The following BIRC2 variants were observed in gnomAD, a reference collection of about 807,000 sequenced individuals.
BIRC2 encodes baculoviral IAP repeat containing 2.
A neutral mutation model predicts 60.9 loss-of-function variants in BIRC2; 18 were observed. That is an observed-to-expected ratio of 0.30 (90% confidence interval 0.20 to 0.44). The LOEUF is 0.44. Among genes scored for constraint, BIRC2 ranks in the 20% least tolerant of loss-of-function variants. BIRC2 has a pLI of 1.00. For synonymous variants in BIRC2, 282 were observed against 247.7 expected, an observed-to-expected ratio of 1.14 and a Z score of -1.30; for missense variants, 701 against 728.5, an observed-to-expected ratio of 0.96 and a Z score of 0.43.
At chr11:102,368,681 T>C in intron 6 of BIRC2, 133 bp downstream of exon 6, 1 of 1,239,310 alleles carries the variant, frequency 8.1e-7, no homozygotes, top group Non-Finnish European at 1.1e-6. Context: ...TTCGAAACCA[T>C]CCCTCCTTTT....
At chr11:102,358,131 G>A (rs2135809695) in intron 3 of BIRC2, among the ~76,000 whole-genome samples, 1 of 152,210 alleles carries the variant, frequency 6.6e-6, no homozygotes, top group South Asian at 2.1e-4. Flanking sequence ...TCAGTTTGTT[G>A]AGTCTTGTTT....
Position 102,363,840 on chromosome 11 carries a change from T to G in BIRC2, c.1123+124T>G, listed in dbSNP as rs966391658. On this transcript the variant is annotated intron_variant, in intron 5 of 8. Coordinates refer to ENST00000227758, the MANE Select transcript of BIRC2 (RefSeq NM_001166.5). ...GAGAGGCCGAGGTTGACAGATCACC[T>G]GAGGTCAGGAGTTCGAGACCAGCCT... 6 of 642,938 alleles carry G rather than the reference T, an allele frequency of 9.3e-6. No individual in the cohort carries two copies. In the East Asian group the frequency reaches 1.6e-4, roughly 17 times the overall value. The allele number at this position is 642,938 out of a possible 1,614,324, so 39.8% of individuals were successfully genotyped here. A position where few individuals can be genotyped will look rare whatever the true frequency, so the allele number is the denominator to read the frequency against.
chr11:102,350,273 C>T lies in BIRC2; in HGVS notation c.419C>T (p.Ser140Phe), dbSNP rs1388306581. The change falls in exon 2 of 9, where the codon TCT (serine) becomes TTT (phenylalanine). Residue 140 changes from serine (S) to phenylalanine (F), a missense_variant. Physicochemically the swap from Ser to Phe is radical, Grantham distance 155 (BLOSUM62 -2). Around this residue, in one of 4 missense-constraint regions of BIRC2, gnomAD observed 375 missense variants for 365.9 expected, o/e 1.02. Transcript: ENST00000227758. ...AGAAACAGTTTTGCACATTCATTAT[C>T]TCCCACCTTGGAACATAGTAGCTTG... ...PMRNSFAHSL[S>F]PTLEHSSLFS... 2 of 1,614,246 alleles carry T rather than the reference C, an allele frequency of 1.2e-6. No individual in the cohort carries two copies. Among genetic ancestry groups the T allele is most frequent in the Non-Finnish European group, 1.7e-6 (2 of 1,180,052 alleles).
intron 3 of BIRC2, among the ~76,000 whole-genome samples, chr11:102,362,547 T>A (rs1378599292): frequency 6.6e-6 from 1 of 152,112 alleles, no homozygotes; most frequent in Non-Finnish European, 1.5e-5. Context: ...GAATACTGAG[T>A]TAATAGTATC....
intron 3 of BIRC2, among the ~76,000 whole-genome samples, chr11:102,358,393 T>C (rs1037225826): frequency 6.6e-6 from 1 of 152,176 alleles, no homozygotes; most frequent in Non-Finnish European, 1.5e-5. Flanking sequence ...ATAAGGCAGG[T>C]ATTCCCAAAT....
In BIRC2 at chr11:102,377,547, C is replaced by A; in HGVS notation, c.1418C>A (p.Thr473Lys). 2 of 1,607,282 alleles carry A rather than the reference C, an allele frequency of 1.2e-6. No homozygotes were observed. The highest frequency in any genetic ancestry group is 1.7e-5 in the Admixed American group (1 of 58,340). The change falls in exon 7 of 9, where the codon ACA becomes AAA. Residue 473 changes from threonine (T) to lysine (K), a missense_variant. Thr to Lys is a moderately conservative substitution (Grantham distance 78, BLOSUM62 -1). This residue lies in a region of BIRC2 where 235 missense variants were observed against 208.9 expected (regional missense o/e 1.12). Coordinates refer to ENST00000227758, the MANE Select transcript of BIRC2 (RefSeq NM_001166.5). ...KNRMALFQQL[T>K]CVLPILDNLL... is the part of the protein sequence containing the mutation. ...AGAATGGCTCTCTTTCAACAATTGACATGTGTGCTTCCTATCCTGGATAAT... is the reference window on the plus strand; with the variant it reads ...AGAATGGCTCTCTTTCAACAATTGAAATGTGTGCTTCCTATCCTGGATAAT...
At chr11:102,377,445 A>T in intron 6 of BIRC2, 51 bp from the exon 7 acceptor site, 1 of 1,511,450 alleles carries the variant, frequency 6.6e-7, no homozygotes, top group Non-Finnish European at 8.9e-7. Context: ...ATATGAGTAT[A>T]GTTAAAGGAG....
At chr11:102,377,468 T>C (rs1591545508) in intron 6 of BIRC2, 28 bp from the exon 7 acceptor site, 2 of 1,566,538 alleles carry the variant, frequency 1.3e-6, no homozygotes, top group Non-Finnish European at 8.6e-7. Flanking sequence ...TAAAATCTAA[T>C]GGATTTCTTT....
intron 3 of BIRC2, among the ~76,000 whole-genome samples, chr11:102,355,148 C>G (rs553119600): frequency 6.6e-6 from 1 of 152,040 alleles, no homozygotes; most frequent in Admixed American, 6.5e-5. Context: ...GTTGCCTGTG[C>G]TTTTGGTGTC....
chr11:102,355,703 G>C (rs769696135), intron 3 of BIRC2, among the ~76,000 whole-genome samples: 2 of 152,018 alleles, frequency 1.3e-5, no homozygotes, highest in African/African-American at 4.8e-5. Context: ...AGAATGTTAT[G>C]GGTAGTATGA....
At chr11:102,361,643 C>G (rs532239935) in intron 3 of BIRC2, among the ~76,000 whole-genome samples, 31 of 152,236 alleles carry the variant, frequency 2.0e-4, no homozygotes, top group African/African-American at 7.2e-4. Context: ...TGCAGGAAGT[C>G]TGTGGCTATC....
intron 6 of BIRC2, among the ~76,000 whole-genome samples, chr11:102,373,612 A>G (rs1245126438): frequency 2.0e-5 from 3 of 150,938 alleles, no homozygotes; most frequent in East Asian, 2.0e-4. Flanking sequence ...TTTTTCCTTC[A>G]TTTCAACTTT....
At chr11:102,364,138 A>AC in intron 5 of BIRC2, among the ~76,000 whole-genome samples, 2 of 41,596 alleles carry the variant, frequency 4.8e-5, no homozygotes, top group African/African-American at 2.7e-4. Flanking sequence ...GCTAATAAAT[A>AC]TTATATATAT....
chr11:102,366,348 C>G (rs553263148), intron 5 of BIRC2, among the ~76,000 whole-genome samples: 1 of 151,654 alleles, frequency 6.6e-6, no homozygotes, highest in Non-Finnish European at 1.5e-5. Context: ...CCAAATCTGA[C>G]TACATCTCAC....
intron 6 of BIRC2, among the ~76,000 whole-genome samples, chr11:102,369,227 A>G (rs1214017702): frequency 1.3e-5 from 2 of 149,994 alleles, no homozygotes; most frequent in Admixed American, 1.3e-4. Context: ...GGTTAGTTAC[A>G]TATGTATACA....
At chr11:102,361,854 T>TCC (rs1555047959) in intron 3 of BIRC2, among the ~76,000 whole-genome samples, 1 of 151,028 alleles carries the variant, frequency 6.6e-6, no homozygotes. Context: ...TTTTTTTTTT[T>TCC]CCCTTTATTG....
Position 102,368,347 on chromosome 11 carries a change from G to A in BIRC2, c.1165G>A (p.Val389Ile), listed in dbSNP as rs900159895. Residue 389 changes from valine to isoleucine, a missense_variant, in exon 6 of 9, where the codon GTC becomes ATC. By Grantham distance (29) the Val-to-Ile change is conservative. Coordinates refer to ENST00000227758, the MANE Select transcript of BIRC2 (RefSeq NM_001166.5). ...GPGESSSEDA[V>I]MMNTPVVKSA... The stretch of plus-strand genomic sequence containing the variant: ...TGGAGAAAGTTCTTCAGAAGATGCT[G>A]TCATGATGAATACACCTGTGGTTAA... The A allele has an allele frequency of 1.2e-6, 2 of 1,613,954 alleles. No individual in the cohort carries two copies. Among genetic ancestry groups the A allele is most frequent in the East Asian group, 2.2e-5 (1 of 44,850 alleles).
intron 3 of BIRC2, among the ~76,000 whole-genome samples, chr11:102,353,679 C>CTTTTTTTTTTTT (rs60766578): frequency 2.2e-4 from 19 of 86,082 alleles, no homozygotes; most frequent in South Asian, 4.1e-4. Flanking sequence ...TAGTAACTTT[C>CTTTTTTTTTTTT]TTTTTTTTTT....
rs776429313 is a variant in BIRC2 at position 102,377,674 on chromosome 11, T to G, written c.1545T>G (p.Val515=). The G allele has an allele frequency of 6.2e-7, 1 of 1,611,752 alleles. No homozygotes were observed. The highest frequency in any genetic ancestry group is 8.5e-7 in the Non-Finnish European group (1 of 1,179,464). ...QARELIDTIL[V]KGNAAANIFK... ...GAGAACTGATTGATACCATTTTGGT[T>G]AAAGGAAATGCTGCGGCCAACATCT... Residue 515 remains valine (V), a synonymous_variant, in exon 7 of 9, where the codon GTT becomes GTG. Coordinates refer to ENST00000227758, the MANE Select transcript of BIRC2 (RefSeq NM_001166.5).
Sources: gnomAD v4.1 joint callset for allele counts (sites outside exome capture counted in the v4.1 genomes callset) on GRCh38, gnomAD v4.1.1 for gene constraint, gnomAD v4.1.1 regional missense constraint, MANE v1.5 for transcripts, NCBI Gene and HGNC (gene_info 2026-07-23, HGNC 2026-07-21) for gene names.